SERPINF1: variants seen among roughly 807,000 people sequenced by gnomAD.
SERPINF1 encodes the protein pigment epithelium-derived factor.
SERPINF1 carries 29 observed loss-of-function variants against 37.3 expected under a neutral mutation model. The ratio of observed to expected loss-of-function variants is 0.78; its 90% CI spans 0.58 to 1.06. The LOEUF (loss-of-function observed/expected upper bound fraction) is 1.06. Among genes scored for constraint, SERPINF1 ranks in the 50% least tolerant of loss-of-function variants. The probability of loss-of-function intolerance (pLI) is 0.00; values close to 1 mark genes in which losing one functional copy is unlikely to be tolerated. For missense variants in SERPINF1, 553 were observed against 532.2 expected (o/e 1.04, Z -0.38); for synonymous variants, 281 against 227.9 (o/e 1.23, Z -2.10).
intron 5 of SERPINF1, among the ~76,000 whole-genome samples, chr17:1,774,699 T>G (rs1326427084): frequency 1.3e-5 from 2 of 152,164 alleles, no homozygotes; most frequent in African/African-American, 4.8e-5. Context: ...TGACCTCAAG[T>G]GATCCACCCA....
At chr17:1,770,920 G>T in intron 3 of SERPINF1, 109 bp from the exon 4 acceptor site, 1 of 1,352,518 alleles carries the variant, frequency 7.4e-7, no homozygotes. Context: ...CAGCCTACTT[G>T]GGCTCTCAGC....
In SERPINF1 at chr17:1,777,132, G is replaced by C. The variant is rs948378458; in HGVS notation, c.998-55G>C. The C allele has an allele frequency of 2.0e-5, 33 of 1,613,486 alleles. No individual in the cohort carries two copies. The African/African-American group carries it at 3.9e-4, about 19-fold the overall frequency. ...AGCTTGCTTGCAAAGGGATCCCTTG[G>C]TTGGGGTGTTGGGGAAGGCAGGGTT... On this transcript the variant is annotated intron_variant, in intron 7 of 7. Transcript: ENST00000254722.
intron 7 of SERPINF1, 56 bp from the exon 8 acceptor site, chr17:1,777,131 G>C: frequency 1.2e-6 from 2 of 1,613,410 alleles, no homozygotes; most frequent in East Asian, 4.5e-5. Flanking sequence ...GGGATCCCTT[G>C]GTTGGGGTGT....
In SERPINF1 at chr17:1,774,938, CCT is replaced by C. The variant is rs1907935191; in HGVS notation, c.644-119_644-118del. 4.0e-6 allele frequency: 5 copies of C among 1,255,492 alleles called. No homozygotes were observed. The African/African-American group carries it at 4.4e-5, about 11-fold the overall frequency. 77.8% of individuals were successfully genotyped at this position (1,255,492 alleles called of 1,614,324 possible). On this transcript the variant is annotated intron_variant, in intron 5 of 7. Coordinates refer to ENST00000254722, the MANE Select transcript of SERPINF1 (RefSeq NM_002615.7). Reference sequence around the variant, plus strand: ...GCCTATTCCCTGAGGCCTCAGAGCCCCTGACAGCTAAGCTCCCTTGAGTGGGG... The same window carrying C: ...GCCTATTCCCTGAGGCCTCAGAGCCCGACAGCTAAGCTCCCTTGAGTGGGG...
chr17:1,776,585 G>C lies in SERPINF1; in HGVS notation c.840G>C (p.Leu280=), dbSNP rs200114659. 6.2e-7 allele frequency: 1 copy of C among 1,614,016 alleles called. No individual in the cohort carries two copies. ...TGAGTATCATCTTCTTCCTGCCCCT[G>C]AAAGTGACCCAGAATTTGACCTTGA... ...GSMSIIFFLP[L]KVTQNLTLIE... Residue 280 remains leucine, a synonymous_variant, in exon 7 of 8, where the codon CTG becomes CTC. Coordinates refer to ENST00000254722, the MANE Select transcript of SERPINF1 (RefSeq NM_002615.7).
chr17:1,776,274 C>G (rs1908024384), intron 6 of SERPINF1, among the ~76,000 whole-genome samples: 1 of 152,222 alleles, frequency 6.6e-6, no homozygotes, highest in African/African-American at 2.4e-5. Flanking sequence ...CACAGGAGAA[C>G]ATTCTTTCAG....
intron 5 of SERPINF1, among the ~76,000 whole-genome samples, chr17:1,773,188 G>A (rs1409868664): frequency 1.3e-5 from 2 of 152,192 alleles, no homozygotes; most frequent in Non-Finnish European, 2.9e-5. Flanking sequence ...GAGCAGAGAG[G>A]GAGGAAGAAT....
chr17:1,775,813 C>A (rs1291514367), intron 6 of SERPINF1, among the ~76,000 whole-genome samples: 4 of 152,192 alleles, frequency 2.6e-5, no homozygotes, highest in Non-Finnish European at 4.4e-5. Context: ...GGATTCCAGG[C>A]ATGAGCCACC....
chr17:1,764,992 C>A (rs1205355105), intron 1 of SERPINF1, among the ~76,000 whole-genome samples: 1 of 147,232 alleles, frequency 6.8e-6, no homozygotes. Context: ...TACAGGCATG[C>A]GCCACCACAC....
intron 1 of SERPINF1, among the ~76,000 whole-genome samples, chr17:1,763,468 C>T (rs2151203197): frequency 6.6e-6 from 1 of 152,316 alleles, no homozygotes; most frequent in Admixed American, 6.5e-5. Context: ...TTGGATACTG[C>T]CCTTTGGACA....
Position 1,775,172 on chromosome 17 carries a change from A to G in SERPINF1, c.758A>G (p.Tyr253Cys), listed in dbSNP as rs1298586674. The change falls in exon 6 of 8, where the codon TAT becomes TGT. Residue 253 changes from tyrosine to cysteine, a missense_variant. Tyr to Cys is a radical substitution (Grantham distance 194). Coordinates refer to ENST00000254722, the MANE Select transcript of SERPINF1 (RefSeq NM_002615.7). ...TCGGACCCTAAGGCTGTTTTACGCT[A>G]TGGCTTGGATTCAGATCTCAGCTGC... ...MMSDPKAVLR[Y>C]GLDSDLSCKI... The G allele has an allele frequency of 4.5e-6, 7 of 1,545,004 alleles. No homozygotes were observed. The highest frequency in any genetic ancestry group is 2.8e-5 in the African/African-American group (2 of 72,572).
chr17:1,767,604 A>G lies in SERPINF1; in HGVS notation c.84+610A>G, dbSNP rs763983766. ...GCGCAGCTGGGTTCCCAAGGCAGAT[A>G]CAGGCACATGGAGGGAAGCCTGGGC... On this transcript the variant is annotated intron_variant, in intron 2 of 7. Transcript: ENST00000254722. Among the ~76,000 whole-genome samples the G allele has an allele frequency of 6.2e-4, 95 of 152,208 alleles. 1 individual carries two copies. Among genetic ancestry groups the G allele is most frequent in the Non-Finnish European group, 1.2e-4 (8 of 68,036 alleles).
Position 1,776,736 on chromosome 17 carries a change from G to A in SERPINF1, c.991G>A (p.Glu331Lys), listed in dbSNP as rs771234998. ...YEGEVTKSLQ[E>K]MKLQSLFDSP... is the part of the protein sequence containing the mutation. ...AGGCGAAGTCACCAAGTCCCTGCAG[G>A]AGATGAGTATGTCTGAAGACCCTTT... The change falls in exon 7 of 8, where the codon GAG (glutamate) becomes AAG (lysine). Residue 331 changes from glutamate (E) to lysine (K), a missense_variant. Physicochemically the swap from Glu to Lys is moderately conservative, Grantham distance 56. Transcript: ENST00000254722. The A allele has an allele frequency of 1.2e-6, 2 of 1,612,900 alleles. No individual in the cohort carries two copies. The highest frequency in any genetic ancestry group is 1.7e-6 in the Non-Finnish European group (2 of 1,179,582).
intron 2 of SERPINF1, among the ~76,000 whole-genome samples, chr17:1,768,443 A>G (rs919598799): frequency 4.6e-5 from 7 of 151,298 alleles, no homozygotes; most frequent in East Asian, 2.0e-4. Context: ...AAAAAAAAAA[A>G]AAAGAAAGAA....
chr17:1,763,612 C>A (rs890613681), intron 1 of SERPINF1, among the ~76,000 whole-genome samples: 1 of 152,342 alleles, frequency 6.6e-6, no homozygotes, highest in African/African-American at 2.4e-5. Flanking sequence ...CTCTCACTGC[C>A]CTTGTAGGGT....
At position 1,769,955 on chromosome 17, in the gene SERPINF1, A is replaced by G; in HGVS notation, c.188A>G (p.Tyr63Cys). 1.9e-6 allele frequency: 3 copies of G among 1,614,166 alleles called. No individual in the cohort carries two copies. Among genetic ancestry groups the G allele is most frequent in the Non-Finnish European group, 2.5e-6 (3 of 1,179,996 alleles). The change falls in exon 3 of 8, where the codon TAT becomes TGT. Residue 63 changes from tyrosine to cysteine, a missense_variant. Physicochemically the swap from Tyr to Cys is radical, Grantham distance 194. Transcript: ENST00000254722. The part of the protein sequence containing the change: ...KLAAAVSNFG[Y>C]DLYRVRSSTS... Reference sequence around the variant, plus strand: ...GCAGCGGCTGTCTCCAACTTCGGCTATGACCTGTACCGGGTGCGATCCAGC... The same window carrying G: ...GCAGCGGCTGTCTCCAACTTCGGCTGTGACCTGTACCGGGTGCGATCCAGC...
chr17:1,772,180 G>A lies in SERPINF1; in HGVS notation c.643+105G>A, dbSNP rs549572720. ...AGTCCTAACTGGAGTGCAGTGGTGC[G>A]ATCTCAGCTCAATGCAACCTCCGCC... On this transcript the variant is annotated intron_variant, in intron 5 of 7. Transcript: ENST00000254722. The A allele has an allele frequency of 4.3e-5, 53 of 1,244,980 alleles. 1 individual carries two copies. The highest frequency in any genetic ancestry group is 5.0e-4 in the Middle Eastern group (2 of 4,038). 77.1% of individuals were successfully genotyped at this position (1,244,980 alleles called of 1,614,324 possible). A position where few individuals can be genotyped will look rare whatever the true frequency, so the allele number is the denominator to read the frequency against.
chr17:1,770,147 C>T (rs917559507), intron 3 of SERPINF1, 97 bp downstream of exon 3: 16 of 1,380,368 alleles, frequency 1.2e-5, no homozygotes, highest in African/African-American at 4.3e-5. Flanking sequence ...TTCAGTTCAG[C>T]GAGGGGTGAA....
Position 1,771,861 on chromosome 17 carries a change from C to T in SERPINF1, c.440-11C>T, listed in dbSNP as rs758318128. The T allele has an allele frequency of 1.9e-6, 3 of 1,610,124 alleles. No homozygotes were observed. In the South Asian group the frequency reaches 3.3e-5, roughly 18 times the overall value. On this transcript the variant is annotated splice_polypyrimidine_tract_variant and intron_variant, in intron 4 of 7. Transcript: ENST00000254722. The stretch of plus-strand genomic sequence containing the variant: ...GTCTCATACGCTAACCTCTGCTCCG[C>T]CTCTTCTCAGAGCTGCGCATAAAAT...
Sources: allele counts gnomAD v4.1 joint callset (sites outside exome capture counted in the v4.1 genomes callset), GRCh38; gene constraint gnomAD v4.1.1; transcripts MANE v1.5; gene names NCBI Gene and HGNC (gene_info 2026-07-23, HGNC 2026-07-21).